Variants in RORA observed in about 807,000 individuals in gnomAD.
The protein encoded by RORA is RAR related orphan receptor A, also known as nuclear receptor ROR-alpha.
A neutral mutation model predicts 69.5 loss-of-function variants in RORA; 7 were observed. The ratio of observed to expected loss-of-function variants is 0.10; its 90% confidence interval spans 0.06 to 0.19. The LOEUF (loss-of-function observed/expected upper bound fraction) is 0.19, where lower values mean the gene tolerates loss of function less well. Among genes scored for constraint, RORA ranks in the 10% least tolerant of loss-of-function variants. The pLI is 1.00. For missense variants in RORA, 457 were observed against 663.0 expected (o/e 0.69, Z 3.41); for synonymous variants, 261 against 240.8 (o/e 1.08, Z -0.78).
chr15:60,972,210 C>A (rs1032895709), intron 1 of RORA, among the ~76,000 whole-genome samples: 4 of 152,096 alleles, frequency 2.6e-5, no homozygotes, highest in African/African-American at 9.7e-5. Flanking sequence ...ATTGGATTTG[C>A]ATATTGGAAA....
At chr15:60,963,983 C>T (rs141718788) in intron 1 of RORA, among the ~76,000 whole-genome samples, 1 of 152,326 alleles carries the variant, frequency 6.6e-6, no homozygotes, top group East Asian at 1.9e-4. Context: ...GATTTAGCAC[C>T]TCTTATTTGC....
chr15:60,505,385 A>G, intron 6 of RORA, 123 bp downstream of exon 6: 1 of 1,011,448 alleles, frequency 9.9e-7, no homozygotes, highest in Non-Finnish European at 1.5e-6. Context: ...GAAAAAAGAT[A>G]TTTAAACAGA....
intron 1 of RORA, among the ~76,000 whole-genome samples, chr15:61,088,189 G>C: frequency 6.6e-6 from 1 of 152,222 alleles, no homozygotes; most frequent in Non-Finnish European, 1.5e-5. Context: ...TGTCAAAACA[G>C]AGCTCGAGAA....
At chr15:61,155,600 T>C (rs1341668367) in intron 1 of RORA, among the ~76,000 whole-genome samples, 1 of 152,190 alleles carries the variant, frequency 6.6e-6, no homozygotes, top group Non-Finnish European at 1.5e-5. Flanking sequence ...GAAGATTCCT[T>C]GGGCTATCAG....
chr15:60,929,263 G>A (rs779662149), intron 1 of RORA, among the ~76,000 whole-genome samples: 7 of 152,068 alleles, frequency 4.6e-5, no homozygotes, highest in Non-Finnish European at 8.8e-5. Flanking sequence ...TCCTGGCCAG[G>A]TCCCTCCTCC....
In RORA at chr15:61,066,878, C is replaced by T. The variant is rs1349524649; in HGVS notation, c.166+162175G>A. Reference sequence around the variant, plus strand: ...CTATGAAAGGAAAGGGTTCATAAGACCAAAAAAAAAAAAAAAAAAAAAAAA... The same window carrying T: ...CTATGAAAGGAAAGGGTTCATAAGATCAAAAAAAAAAAAAAAAAAAAAAAA... On this transcript the variant is annotated intron_variant, in intron 1 of 10. Transcript: ENST00000335670. Among the ~76,000 whole-genome samples, 6 of 24,588 alleles carry T rather than the reference C, an allele frequency of 2.4e-4. No individual in the cohort carries two copies. The Admixed American group carries it at 3.1e-3, about 13-fold the overall frequency. 16.1% of individuals were successfully genotyped at this position (24,588 alleles called of 152,430 possible).
chr15:60,714,645 G>A (rs1344533427), intron 1 of RORA, among the ~76,000 whole-genome samples: 3 of 152,154 alleles, frequency 2.0e-5, no homozygotes, highest in Non-Finnish European at 4.4e-5. Context: ...GATTACAGTT[G>A]TGAGCCACCG....
intron 1 of RORA, among the ~76,000 whole-genome samples, chr15:61,151,515 T>A (rs1400511063): frequency 2.0e-5 from 3 of 152,224 alleles, no homozygotes; most frequent in African/African-American, 7.2e-5. Flanking sequence ...AAATAAGAAA[T>A]ACTGCAACTC....
intron 1 of RORA, among the ~76,000 whole-genome samples, chr15:61,082,419 T>C (rs750986185): frequency 6.6e-6 from 1 of 151,874 alleles, no homozygotes; most frequent in Non-Finnish European, 1.5e-5. Flanking sequence ...AACCTGGGAG[T>C]TGGAGATTGC....
intron 1 of RORA, among the ~76,000 whole-genome samples, chr15:60,679,606 T>C (rs1334079777): frequency 1.1e-5 from 1 of 91,716 alleles, no homozygotes; most frequent in Admixed American, 9.6e-5. Flanking sequence ...ACCTTGAAAT[T>C]TTTTTTTCTT....
chr15:60,778,683 C>A (rs1162997949), intron 1 of RORA, among the ~76,000 whole-genome samples: 1 of 152,146 alleles, frequency 6.6e-6, no homozygotes, highest in Non-Finnish European at 1.5e-5. Flanking sequence ...AAACAGAATT[C>A]TCCCACCCTT....
intron 2 of RORA, among the ~76,000 whole-genome samples, chr15:60,546,980 T>C (rs895209904): frequency 6.6e-6 from 1 of 152,186 alleles, no homozygotes; most frequent in Non-Finnish European, 1.5e-5. Context: ...GGAGTAGCAG[T>C]TCTGACACAA....
chr15:61,175,717 G>A (rs760667224), intron 1 of RORA, among the ~76,000 whole-genome samples: 6 of 151,928 alleles, frequency 3.9e-5, no homozygotes, highest in Non-Finnish European at 7.4e-5. Context: ...ACCCAGTCTC[G>A]AATAAAATAG....
intron 1 of RORA, among the ~76,000 whole-genome samples, chr15:60,754,994 T>TA (rs1555450887): frequency 1.3e-4 from 20 of 151,592 alleles, no homozygotes; most frequent in East Asian, 5.8e-4. Flanking sequence ...TTTTTTTTTT[T>TA]TATATATACT....
rs531658978 is a variant in RORA, at chr15:60,566,320, T to C, written c.197-34469A>G. On this transcript the variant is annotated intron_variant, in intron 2 of 10. Coordinates refer to ENST00000335670, the MANE Select transcript of RORA (RefSeq NM_134261.3). Reference sequence around the variant, plus strand: ...TTTCCTTTTTCTTAGTAAAAAATCATAGATGTTTCAAAAAATAATTCCCTT... The same window carrying C: ...TTTCCTTTTTCTTAGTAAAAAATCACAGATGTTTCAAAAAATAATTCCCTT... 8.1e-4 allele frequency among the ~76,000 whole-genome samples: 124 copies of C among 152,324 alleles called. 1 individual carries two copies. Among genetic ancestry groups the C allele is most frequent in the Non-Finnish European group, 1.4e-3 (97 of 68,012 alleles).
chr15:60,593,482 A>G (rs1035875338), intron 2 of RORA: 2 of 152,280 alleles, frequency 1.3e-5, no homozygotes, highest in Non-Finnish European at 2.9e-5. Context: ...TTAACATGCG[A>G]CTAAGACTTA....
At chr15:60,523,297 T>A (rs894301486) in intron 3 of RORA, among the ~76,000 whole-genome samples, 1 of 152,224 alleles carries the variant, frequency 6.6e-6, no homozygotes, top group African/African-American at 2.4e-5. Context: ...CCAACATTCA[T>A]GTTGGAACTA....
intron 2 of RORA, among the ~76,000 whole-genome samples, chr15:60,596,892 A>G (rs1218124761): frequency 2.6e-5 from 4 of 152,174 alleles, no homozygotes; most frequent in African/African-American, 9.7e-5. Context: ...ACACCCACCC[A>G]CACACACATA....
intron 1 of RORA, among the ~76,000 whole-genome samples, chr15:60,777,138 G>A (rs959856979): frequency 6.6e-6 from 1 of 152,124 alleles, no homozygotes; most frequent in Non-Finnish European, 1.5e-5. Flanking sequence ...CCTTTAAGAC[G>A]AGCAAAAACA....
Sources: gnomAD v4.1 joint callset for allele counts (sites outside exome capture counted in the v4.1 genomes callset) on GRCh38, gnomAD v4.1.1 for gene constraint, MANE v1.5 for transcripts, NCBI Gene and HGNC (gene_info 2026-07-23, HGNC 2026-07-21) for gene names.